CSNK2A1: variants seen among roughly 807,000 people sequenced by gnomAD.
CSNK2A1 encodes the protein casein kinase II subunit alpha.
Under a neutral mutation model 62.9 loss-of-function variants are expected in CSNK2A1, and 10 were observed. The ratio of observed to expected loss-of-function variants is 0.16; its 90% confidence interval spans 0.10 to 0.27. The LOEUF (loss-of-function observed/expected upper bound fraction) is 0.27. Ranked by LOEUF, CSNK2A1 falls within the 10% of genes least tolerant of loss-of-function variation. The pLI, the probability that CSNK2A1 is intolerant of heterozygous loss-of-function variation, is 1.00. For missense variants in CSNK2A1, 160 were observed against 492.0 expected (o/e 0.33, Z 6.38); for synonymous variants, 124 against 167.8 (o/e 0.74, Z 2.02).
intron 2 of CSNK2A1, among the ~76,000 whole-genome samples, chr20:527,306 C>A (rs1019949239): frequency 6.6e-6 from 1 of 152,176 alleles, no homozygotes; most frequent in African/African-American, 2.4e-5. Context: ...AAAATGAAAA[C>A]CATAAATAGT....
chr20:507,450 C>T (rs1345542166), intron 3 of CSNK2A1: 1 of 152,178 alleles, frequency 6.6e-6, no homozygotes, highest in African/African-American at 2.4e-5. Flanking sequence ...TGTCAAAATG[C>T]TTTTATCACA....
intron 1 of CSNK2A1, among the ~76,000 whole-genome samples, chr20:534,873 C>CAA (rs779243946): frequency 8.7e-6 from 1 of 115,146 alleles, no homozygotes; most frequent in East Asian, 2.4e-4. Flanking sequence ...TACTAAAATA[C>CAA]AAAAAAAAAA....
chr20:505,930 A>T (rs372109530), intron 3 of CSNK2A1: 1 of 132,346 alleles, frequency 7.6e-6, no homozygotes, highest in Non-Finnish European at 1.5e-5. Flanking sequence ...GCTGGAGTGC[A>T]GTGGCGTGAT....
At chr20:525,106 AAATC>A (rs2019051232) in intron 2 of CSNK2A1, among the ~76,000 whole-genome samples, 1 of 152,214 alleles carries the variant, frequency 6.6e-6, no homozygotes, top group Non-Finnish European at 1.5e-5. Context: ...CTCTGCCTCA[AAATC>A]AATCAATCAA....
chr20:526,402 G>A (rs2122627799), intron 2 of CSNK2A1, among the ~76,000 whole-genome samples: 1 of 152,164 alleles, frequency 6.6e-6, no homozygotes, highest in Non-Finnish European at 1.5e-5. Context: ...CTTGAGCCCA[G>A]GAGTTTGAGA....
chr20:492,610 T>G, intron 8 of CSNK2A1: 1 of 479,772 alleles, frequency 2.1e-6, no homozygotes. Context: ...GCTCAATGAC[T>G]AAAATGTCCC....
intron 4 of CSNK2A1, chr20:501,521 A>C (rs2018469497): frequency 6.6e-6 from 1 of 152,240 alleles, no homozygotes; most frequent in Non-Finnish European, 1.5e-5. Flanking sequence ...AAATCTTAAC[A>C]TATAAATCAA....
In CSNK2A1 at chr20:499,415, A is replaced by T; in HGVS notation, c.316-110T>A. On this transcript the variant is annotated intron_variant, in intron 5 of 13. Coordinates refer to ENST00000217244, the MANE Select transcript of CSNK2A1 (RefSeq NM_177559.3). This position sits in a 1 kb window ranked among gnomAD's most constrained non-coding sequence, Gnocchi z 4.2. ...GGTGAAATTTGGCAGTCCTCGCCTC[A>T]GTAGTAAGAAACCCTCTATTGCTAC... The T allele has an allele frequency of 2.1e-6, 2 of 936,408 alleles. No individual in the cohort carries two copies. Among genetic ancestry groups the T allele is most frequent in the Non-Finnish European group, 3.2e-6 (2 of 627,892 alleles). 58.0% of individuals were successfully genotyped at this position (936,408 alleles called of 1,614,324 possible).
At chr20:507,897 G>A (rs1486668203) in intron 3 of CSNK2A1, 5 of 152,242 alleles carry the variant, frequency 3.3e-5, no homozygotes, top group Non-Finnish European at 4.4e-5. Context: ...ATGACATTCT[G>A]AGAAATGTGT....
chr20:525,766 C>G (rs1482689604), intron 2 of CSNK2A1, among the ~76,000 whole-genome samples: 1 of 147,088 alleles, frequency 6.8e-6, no homozygotes, highest in East Asian at 2.0e-4. Context: ...ATTGCTTGAG[C>G]TCAGGAGTTT....
At chr20:532,330 A>ATTTTTTTTTTTTT (rs138287291) in intron 1 of CSNK2A1, among the ~76,000 whole-genome samples, 1 of 122,002 alleles carries the variant, frequency 8.2e-6, no homozygotes, top group Admixed American at 8.1e-5. Context: ...TGCCCGGCTA[A>ATTTTTTTTTTTTT]TTTTTTTTTT....
intron 13 of CSNK2A1, among the ~76,000 whole-genome samples, chr20:485,011 A>T (rs957223894): frequency 2.3e-5 from 3 of 129,048 alleles, no homozygotes; most frequent in African/African-American, 8.9e-5. Flanking sequence ...AGGCTGCAGC[A>T]GCTGAGATTG....
intron 1 of CSNK2A1, among the ~76,000 whole-genome samples, chr20:531,836 A>C (rs1216246323): frequency 6.6e-6 from 1 of 152,254 alleles, no homozygotes; most frequent in Non-Finnish European, 1.5e-5. Flanking sequence ...CAGAAAAGAT[A>C]CAGTAGCATT....
chr20:493,204 T>C (rs1378675631), intron 8 of CSNK2A1, among the ~76,000 whole-genome samples: 2 of 152,180 alleles, frequency 1.3e-5, no homozygotes, highest in East Asian at 3.9e-4. Flanking sequence ...GATTCTTGAT[T>C]CCCTCAGACC....
chr20:512,706 GTTCAACTCAAACCTTC>G (rs2018749123), intron 2 of CSNK2A1, among the ~76,000 whole-genome samples: 2 of 152,168 alleles, frequency 1.3e-5, no homozygotes, highest in Non-Finnish European at 2.9e-5. Context: ...ACTTGCCTCT[GTTCAACTCAAACCTTC>G]TGAGGTTCCA....
At chr20:505,356 T>G (rs1411991400) in intron 3 of CSNK2A1, 127 bp from the exon 4 acceptor site, 4 of 606,530 alleles carry the variant, frequency 6.6e-6, no homozygotes, top group Non-Finnish European at 7.8e-6. Context: ...AATAGGTTTT[T>G]TTTTTTTTTT....
At position 485,953 on chromosome 20, in the gene CSNK2A1, T is replaced by C. The variant is rs2268627; in HGVS notation, c.1060+423A>G. On this transcript the variant is annotated intron_variant, in intron 13 of 13. Transcript: ENST00000217244. Reference sequence around the variant, plus strand: ...ATTTTACTTATGTTTTTACAACTGATAGGCACTCTATAGTTGCTCTGGCAC... The same window carrying C: ...ATTTTACTTATGTTTTTACAACTGACAGGCACTCTATAGTTGCTCTGGCAC... 4.7e-3 allele frequency among the ~76,000 whole-genome samples: 722 copies of C among 152,340 alleles called. 19 individuals are homozygous for C. The East Asian group carries it at 0.055, about 12-fold the overall frequency.
At chr20:492,219 C>A in intron 9 of CSNK2A1, 35 bp downstream of exon 9, 3 of 1,560,484 alleles carry the variant, frequency 1.9e-6, no homozygotes, top group South Asian at 1.2e-5. Flanking sequence ...GAAATAAACA[C>A]AGGATCAAAA....
At chr20:537,688 T>C (rs2019363868) in intron 1 of CSNK2A1, among the ~76,000 whole-genome samples, 1 of 152,224 alleles carries the variant, frequency 6.6e-6, no homozygotes, top group Non-Finnish European at 1.5e-5. Flanking sequence ...CTTTCGAAAT[T>C]ATCCATTTCA....
Sources: gnomAD v4.1 joint callset for allele counts (sites outside exome capture counted in the v4.1 genomes callset) on GRCh38, gnomAD v4.1.1 for gene constraint, Gnocchi (gnomAD v3.1) non-coding constraint, MANE v1.5 for transcripts, NCBI Gene and HGNC (gene_info 2026-07-23, HGNC 2026-07-21) for gene names.